The following LARP7 variants were observed in gnomAD, a reference collection of about 807,000 sequenced individuals.
LARP7 encodes the protein La ribonucleoprotein 7, transcriptional regulator, also known as la-related protein 7.
In LARP7, 52 loss-of-function variants were observed where a neutral mutation model predicts 69.3. The ratio of observed to expected loss-of-function variants is 0.75; its 90% CI spans 0.60 to 0.95. LARP7 has a LOEUF of 0.95. Ranked by LOEUF, LARP7 falls within the 40% of genes least tolerant of loss-of-function variation. The pLI is 0.00. For synonymous variants in LARP7, 254 were observed against 215.9 expected (o/e 1.18, Z -1.55); for missense variants, 733 against 673.0 (o/e 1.09, Z -0.99).
intron 10 of LARP7, among the ~76,000 whole-genome samples, chr4:112,652,784 T>C (rs1012572322): frequency 2.0e-5 from 3 of 152,064 alleles, no homozygotes; most frequent in Admixed American, 6.5e-5. Context: ...ACACTATTTC[T>C]GCTTTCTGCT....
intron 1 of LARP7, chr4:112,637,715 T>C (rs1361440604): frequency 6.6e-6 from 1 of 152,260 alleles, no homozygotes; most frequent in African/African-American, 2.4e-5. Flanking sequence ...AGATATGGTG[T>C]GCAGAGTGCG....
intron 2 of LARP7, among the ~76,000 whole-genome samples, chr4:112,645,916 A>AT: frequency 6.6e-6 from 1 of 152,212 alleles, no homozygotes; most frequent in East Asian, 1.9e-4. Flanking sequence ...TTGTGTTCAA[A>AT]TCTTAATCTG....
intron 4 of LARP7, 23 bp downstream of exon 4, chr4:112,646,694 C>G (rs2048275795): frequency 6.4e-7 from 1 of 1,571,854 alleles, no homozygotes; most frequent in Non-Finnish European, 8.6e-7. Context: ...ACCCGGGTCC[C>G]CAGTCAGAAA....
intron 8 of LARP7, chr4:112,648,096 A>AC (rs776797112): frequency 3.4e-6 from 2 of 584,016 alleles, no homozygotes; most frequent in Non-Finnish European, 6.8e-6. Flanking sequence ...ATGTAAAAAT[A>AC]CAAAATAAAG....
chr4:112,646,153 A>AT (rs1022128094), intron 2 of LARP7, among the ~76,000 whole-genome samples, 198 bp from the exon 3 acceptor site: 18 of 151,738 alleles, frequency 1.2e-4, no homozygotes, highest in African/African-American at 4.4e-4. Context: ...AATTCTTTGT[A>AT]TTTTTAGTAG....
At chr4:112,653,935 T>A in intron 11 of LARP7, 133 bp from the exon 12 acceptor site, 2 of 675,346 alleles carry the variant, frequency 3.0e-6, no homozygotes. Flanking sequence ...TTCTATTCTG[T>A]AATATGTGTA....
rs1008720962 is a variant in LARP7 at position 112,653,263 on chromosome 4, T to G, written c.1576+27T>G. On this transcript the variant is annotated intron_variant, in intron 11 of 12. Coordinates refer to ENST00000344442, the MANE Select transcript of LARP7 (RefSeq NM_016648.4). Reference sequence around the variant, plus strand: ...TAAAACTTCATAGACGTTTCCTTTTTTTTTTGTTATCATCCTTATTGTGAG... The same window carrying G: ...TAAAACTTCATAGACGTTTCCTTTTGTTTTTGTTATCATCCTTATTGTGAG... The G allele has an allele frequency of 4.5e-6, 7 of 1,545,702 alleles. No individual in the cohort carries two copies. The African/African-American group carries it at 9.8e-5, about 22-fold the overall frequency.
At chr4:112,638,295 C>A (rs796843298) in intron 1 of LARP7, among the ~76,000 whole-genome samples, 1 of 152,134 alleles carries the variant, frequency 6.6e-6, no homozygotes, top group African/African-American at 2.4e-5. Flanking sequence ...GGCTGCGTCT[C>A]CAAACAAACA....
rs753043822 is a variant in LARP7 at position 112,647,371 on chromosome 4, A to C, written c.819A>C (p.Ser273=). The change falls in exon 7 of 13, where the codon TCA becomes TCC. Residue 273 remains serine (S), a synonymous_variant. Coordinates refer to ENST00000344442, the MANE Select transcript of LARP7 (RefSeq NM_016648.4). ...IESTEPQKQC[S]KKKKKRDRVE... ...CCACTGAACCCCAAAAGCAGTGCTC[A>C]AAGAAAAAGAAAAAACGGGACAGAG... 6.2e-7 allele frequency: 1 copy of C among 1,614,130 alleles called. No homozygotes were observed. The highest frequency in any genetic ancestry group is 1.1e-5 in the South Asian group (1 of 91,080).
intron 10 of LARP7, among the ~76,000 whole-genome samples, chr4:112,651,136 C>T (rs2048713266): frequency 6.6e-6 from 1 of 152,140 alleles, no homozygotes; most frequent in African/African-American, 2.4e-5. Flanking sequence ...TACCCTTACC[C>T]TGCCTGTCAC....
chr4:112,647,016 C>CT lies in LARP7; in HGVS notation c.553-14dup. 1 of 1,589,800 alleles carries CT rather than the reference C, an allele frequency of 6.3e-7. No individual in the cohort carries two copies. The highest frequency in any genetic ancestry group is 8.5e-7 in the Non-Finnish European group (1 of 1,172,694). ...AAGAAAACAAGTATTAAAATAGTAA[C>CT]TTTTGCAATCATTTCAGTTTCTTAA... On this transcript the variant is annotated splice_polypyrimidine_tract_variant and intron_variant, in intron 5 of 12. Coordinates refer to ENST00000344442, the MANE Select transcript of LARP7 (RefSeq NM_016648.4).
chr4:112,650,494 A>T lies in LARP7; in HGVS notation c.1328A>T (p.Lys443Ile). The change falls in exon 10 of 13, where the codon AAA becomes ATA. Residue 443 changes from lysine to isoleucine, a missense_variant. Lys to Ile is a moderately radical substitution (Grantham distance 102, BLOSUM62 -3). Coordinates refer to ENST00000344442, the MANE Select transcript of LARP7 (RefSeq NM_016648.4). ...AGGGAAGAGTGTCGCACCCAGGAGA[A>T]AGTTAATGCAACAGGACCACAGTTC... ...ANREECRTQE[K>I]VNATGPQFVS... 6.2e-7 allele frequency: 1 copy of T among 1,613,848 alleles called. No individual in the cohort carries two copies. The highest frequency in any genetic ancestry group is 8.5e-7 in the Non-Finnish European group (1 of 1,179,820).
chr4:112,651,610 T>G (rs1414555998), intron 10 of LARP7, among the ~76,000 whole-genome samples: 1 of 145,832 alleles, frequency 6.9e-6, no homozygotes, highest in Non-Finnish European at 1.5e-5. Flanking sequence ...AATTCATCAT[T>G]TATGATCATC....
intron 11 of LARP7, 54 bp downstream of exon 11, chr4:112,653,290 A>G: frequency 7.1e-7 from 1 of 1,407,480 alleles, no homozygotes; most frequent in Non-Finnish European, 9.5e-7. Context: ...TATTGTGAGT[A>G]ATATATTTTC....
rs952099516 is a variant in LARP7, at chr4:112,646,626, T to C, written c.342T>C (p.Pro114=). 3.7e-6 allele frequency: 6 copies of C among 1,604,144 alleles called. No individual in the cohort carries two copies. The highest frequency in any genetic ancestry group is 5.1e-6 in the Non-Finnish European group (6 of 1,174,664). Residue 114 remains proline, a synonymous_variant, in exon 4 of 13, where the codon CCT becomes CCC. Transcript: ENST00000344442. ...LEGTRIRRKK[P]LGERPKDEDE... is the part of the protein sequence containing the mutation. ...GCACCAGAATCCGGAGGAAAAAACC[T>C]CTGGGGGAAAGACCAAAGGATGAGG...
chr4:112,648,092 A>G (rs750835506), intron 8 of LARP7: 5 of 587,530 alleles, frequency 8.5e-6, no homozygotes, highest in Admixed American at 7.6e-5. Flanking sequence ...ACAGATGTAA[A>G]AATACAAAAT....
intron 2 of LARP7, 74 bp downstream of exon 2, chr4:112,644,945 C>CTTTTT (rs58234206): frequency 0.26 from 43,660 of 166,174 alleles, 7,035 homozygotes; most frequent in Admixed American, 0.38. Flanking sequence ...ATAATATATT[C>CTTTTT]TTTTTTTTTT....
chr4:112,639,099 A>T (rs1018126019), intron 1 of LARP7, among the ~76,000 whole-genome samples: 1 of 152,208 alleles, frequency 6.6e-6, no homozygotes, highest in African/African-American at 2.4e-5. Flanking sequence ...GTTAAGATGG[A>T]AGAAACTGCT....
At chr4:112,651,534 C>G (rs1433662961) in intron 10 of LARP7, among the ~76,000 whole-genome samples, 1 of 152,166 alleles carries the variant, frequency 6.6e-6, no homozygotes, top group Admixed American at 6.5e-5. Context: ...AAAAATTGCT[C>G]AGAGTTATTT....
Sources: gnomAD v4.1 joint callset for allele counts (sites outside exome capture counted in the v4.1 genomes callset) on GRCh38, gnomAD v4.1.1 for gene constraint, MANE v1.5 for transcripts, NCBI Gene and HGNC (gene_info 2026-07-23, HGNC 2026-07-21) for gene names.